Variants in SOCS7 observed in about 807,000 individuals in gnomAD.
SOCS7 encodes the protein NAP-4.
In SOCS7, 18 loss-of-function variants were observed where a neutral mutation model predicts 58.9. That is an observed-to-expected ratio of 0.31 (90% CI 0.21 to 0.45). SOCS7 has a LOEUF of 0.45. Ranked by LOEUF, SOCS7 falls within the 20% of genes least tolerant of loss-of-function variation. SOCS7 has a pLI of 1.00. For synonymous variants in SOCS7, 388 were observed against 364.3 expected (o/e 1.06, Z -0.74); for missense variants, 667 against 837.3 (o/e 0.80, Z 2.51).
rs2037615436 is a variant in SOCS7, at chr17:38,355,001, A to G, written c.980+1969A>G. On this transcript the variant is annotated intron_variant, in intron 1 of 9. Transcript: ENST00000612932. ...AATACAGATTTCTGCTGCAGAGCAA[A>G]TTGGGCTGTAGCTTTGCAAAGAAGC... is the stretch of plus-strand genomic sequence containing the variant. Among the ~76,000 whole-genome samples, 10 of 152,326 alleles carry G rather than the reference A, an allele frequency of 6.6e-5. No individual in the cohort carries two copies. The South Asian group carries it at 2.1e-3, about 32-fold the overall frequency.
chr17:38,389,900 C>CATATATATATATGT (rs1263290062), intron 7 of SOCS7, among the ~76,000 whole-genome samples: 429 of 19,980 alleles, frequency 0.021, 19 homozygotes, highest in African/African-American at 0.048. Flanking sequence ...TATATATATA[C>CATATATATATATGT]ACATATAGAG....
At chr17:38,354,089 C>T (rs1567733826) in intron 1 of SOCS7, among the ~76,000 whole-genome samples, 1 of 152,174 alleles carries the variant, frequency 6.6e-6, no homozygotes, top group Admixed American at 6.5e-5. Context: ...GACTGATCTT[C>T]GGCATCCAGT....
chr17:38,366,326 C>T lies in SOCS7; in HGVS notation c.1292C>T (p.Ser431Phe), dbSNP rs369677064. 6.6e-5 allele frequency: 106 copies of T among 1,614,064 alleles called. No homozygotes were observed. Among genetic ancestry groups the T allele is most frequent in the Non-Finnish European group, 8.4e-5 (99 of 1,180,042 alleles). The change falls in exon 5 of 10, where the codon TCC becomes TTC. Residue 431 changes from serine (S) to phenylalanine (F), a missense_variant. Coordinates refer to ENST00000612932, the MANE Select transcript of SOCS7 (RefSeq NM_014598.4). The part of the protein sequence containing the change: ...PRIAPIRAAE[S>F]LHSQPPQHLQ... ...ATTGCTCCCATCCGAGCAGCTGAAT[C>T]CCTGCACAGCCAACCCCCACAGCAC...
intron 7 of SOCS7, among the ~76,000 whole-genome samples, chr17:38,380,641 A>AAAT (rs948027167): frequency 6.6e-6 from 1 of 151,352 alleles, no homozygotes; most frequent in Non-Finnish European, 1.5e-5. Flanking sequence ...AAAAAAAAAA[A>AAAT]AATAATAATA....
intron 7 of SOCS7, among the ~76,000 whole-genome samples, chr17:38,384,891 C>CTTTTTTTTTTTTT (rs71138614): frequency 1.3e-5 from 1 of 76,640 alleles, no homozygotes; most frequent in African/African-American, 6.0e-5. Context: ...GCACCCAGCT[C>CTTTTTTTTTTTTT]TTTTTTTTTT....
In SOCS7 at chr17:38,352,500, C is replaced by A. The variant is rs567174957; in HGVS notation, c.448C>A (p.Pro150Thr). ...VGGGCCPCPC[P>T]PQPPPPQPQP... ...TGGGGGTTGCTGCCCGTGTCCGTGT[C>A]CTCCTCAGCCGCCCCCTCCGCAGCC... is the stretch of plus-strand genomic sequence containing the variant. The change falls in exon 1 of 10, where the codon CCT (proline) becomes ACT (threonine). Residue 150 changes from proline (P) to threonine (T), a missense_variant. By Grantham distance (38) the Pro-to-Thr change is conservative. Coordinates refer to ENST00000612932, the MANE Select transcript of SOCS7 (RefSeq NM_014598.4). The surrounding 1 kb of genome is among the most constrained non-coding windows in gnomAD (Gnocchi z 5.5). 6.5e-7 allele frequency: 1 copy of A among 1,539,370 alleles called. No individual in the cohort carries two copies. Among genetic ancestry groups the A allele is most frequent in the Non-Finnish European group, 8.8e-7 (1 of 1,141,892 alleles).
chr17:38,388,176 CT>C (rs2038105727), intron 7 of SOCS7, among the ~76,000 whole-genome samples: 1 of 151,994 alleles, frequency 6.6e-6, no homozygotes, highest in African/African-American at 2.4e-5. Flanking sequence ...GTATTTTTCC[CT>C]CTCTCCCTCC....
intron 1 of SOCS7, among the ~76,000 whole-genome samples, chr17:38,357,672 G>A (rs978975145): frequency 2.6e-5 from 4 of 152,328 alleles, no homozygotes; most frequent in East Asian, 3.9e-4. Context: ...GGCTTATGAC[G>A]TGTTGGAAAT....
chr17:38,374,033 C>A (rs773903574), intron 6 of SOCS7, among the ~76,000 whole-genome samples: 1 of 151,874 alleles, frequency 6.6e-6, no homozygotes, highest in Non-Finnish European at 1.5e-5. Flanking sequence ...CCAGCCTGGC[C>A]AACATGGCGA....
At chr17:38,397,726 G>A (rs2038263134) in intron 9 of SOCS7, among the ~76,000 whole-genome samples, 1 of 152,052 alleles carries the variant, frequency 6.6e-6, no homozygotes, top group Non-Finnish European at 1.5e-5. Context: ...CAAAGGCCCT[G>A]TTTTCACTCA....
intron 7 of SOCS7, among the ~76,000 whole-genome samples, chr17:38,382,437 CAAAAAAAA>C (rs1190332565): frequency 2.9e-5 from 2 of 68,592 alleles, no homozygotes; most frequent in African/African-American, 1.1e-4. Flanking sequence ...GACCCTATCT[CAAAAAAAA>C]AAAAAAAAAA....
rs71138613 is a variant in SOCS7, at chr17:38,379,180, C to CAA, written c.1681+1350_1681+1351dup. ...CTCAAAAAAAAAAAACAAAAAAAAACAAAAAAAAAAAAACAAGGCAGGGGT... is the reference window on the plus strand; with the variant it reads ...CTCAAAAAAAAAAAACAAAAAAAAACAAAAAAAAAAAAAAACAAGGCAGGGGT... On this transcript the variant is annotated intron_variant, in intron 7 of 9. Coordinates refer to ENST00000612932, the MANE Select transcript of SOCS7 (RefSeq NM_014598.4). Among the ~76,000 whole-genome samples, 242 of 121,416 alleles carry CAA rather than the reference C, an allele frequency of 2.0e-3. No individual in the cohort carries two copies. In the Middle Eastern group the frequency reaches 0.031, roughly 16 times the overall value. The allele number at this position is 121,416 out of a possible 152,430, so 79.7% of individuals were successfully genotyped here.
chr17:38,368,205 C>T (rs1054840869), intron 6 of SOCS7, among the ~76,000 whole-genome samples, 155 bp downstream of exon 6: 5 of 152,012 alleles, frequency 3.3e-5, no homozygotes, highest in African/African-American at 9.7e-5. Context: ...CGCTGATTTC[C>T]GTCACTAGAA....
intron 7 of SOCS7, among the ~76,000 whole-genome samples, chr17:38,381,722 G>A (rs1389596155): frequency 6.6e-6 from 1 of 151,914 alleles, no homozygotes; most frequent in Non-Finnish European, 1.5e-5. Flanking sequence ...CCAGCACTTT[G>A]GGAGGCCAAG....
chr17:38,358,881 T>C (rs72834004), intron 1 of SOCS7, among the ~76,000 whole-genome samples: 7,058 of 152,236 alleles, frequency 0.046, 194 homozygotes, highest in Middle Eastern at 0.2. Flanking sequence ...CTAGAAACTA[T>C]GATTTTTCTT....
intron 7 of SOCS7, among the ~76,000 whole-genome samples, chr17:38,388,601 G>A (rs1845561420): frequency 1.3e-5 from 2 of 152,140 alleles, no homozygotes; most frequent in East Asian, 1.9e-4. Context: ...ATCAATTTTA[G>A]AATGTTTTCA....
rs41343846 is a variant in SOCS7, at chr17:38,380,941, T to G, written c.1681+3099T>G. On this transcript the variant is annotated intron_variant, in intron 7 of 9. Coordinates refer to ENST00000612932, the MANE Select transcript of SOCS7 (RefSeq NM_014598.4). The stretch of plus-strand genomic sequence containing the variant: ...CCAGTGAGGAAACTGAGGCTGAAGC[T>G]CAAAAGTTAAGTTACTTACTCTAAA... 4.8e-3 allele frequency among the ~76,000 whole-genome samples: 738 copies of G among 152,246 alleles called. 6 individuals are homozygous for G. The highest frequency in any genetic ancestry group is 0.017 in the African/African-American group (699 of 41,526).
intron 2 of SOCS7, among the ~76,000 whole-genome samples, chr17:38,364,282 T>C (rs2037757858): frequency 6.6e-6 from 1 of 152,070 alleles, no homozygotes; most frequent in African/African-American, 2.4e-5. Context: ...AGGACTAACA[T>C]TGGGAACTTT....
intron 5 of SOCS7, among the ~76,000 whole-genome samples, chr17:38,367,126 G>A (rs1470468983): frequency 6.6e-6 from 1 of 152,066 alleles, no homozygotes; most frequent in Non-Finnish European, 1.5e-5. Flanking sequence ...GTGCAGTGGC[G>A]CAATCTCGGC....
Sources: allele counts gnomAD v4.1 joint callset (sites outside exome capture counted in the v4.1 genomes callset), GRCh38; gene constraint gnomAD v4.1.1; non-coding constraint Gnocchi (gnomAD v3.1); transcripts MANE v1.5; gene names NCBI Gene and HGNC (gene_info 2026-07-23, HGNC 2026-07-21).